The following KCNIP4 variants were observed in gnomAD, a reference collection of about 807,000 sequenced individuals.
KCNIP4 encodes potassium voltage-gated channel interacting protein 4.
In KCNIP4, 12 loss-of-function variants were observed where a neutral mutation model predicts 34.0. The observed-to-expected ratio is 0.35, with a 90% CI of 0.23 to 0.57. The LOEUF is 0.57. Among genes scored for constraint, KCNIP4 ranks in the 20% least tolerant of loss-of-function variants. KCNIP4 has a pLI of 0.83. For missense variants in KCNIP4, 238 were observed against 311.7 expected (o/e 0.76, Z 1.78); for synonymous variants, 124 against 102.2 (o/e 1.21, Z -1.29).
intron 1 of KCNIP4, among the ~76,000 whole-genome samples, chr4:21,781,182 G>A (rs1432062354): frequency 6.6e-6 from 1 of 152,150 alleles, no homozygotes; most frequent in Non-Finnish European, 1.5e-5. Flanking sequence ...TCTCATGATA[G>A]TGAGCAAGTT....
chr4:21,785,156 T>A (rs1438501790), intron 1 of KCNIP4, among the ~76,000 whole-genome samples: 1 of 152,154 alleles, frequency 6.6e-6, no homozygotes, highest in African/African-American at 2.4e-5. Flanking sequence ...CCGAAATTAT[T>A]TTTGTAGTAG....
At chr4:21,093,349 T>G (rs538892988) in intron 1 of KCNIP4, among the ~76,000 whole-genome samples, 7 of 152,318 alleles carry the variant, frequency 4.6e-5, no homozygotes, top group African/African-American at 1.7e-4. Flanking sequence ...ATTCCAGTAA[T>G]GAAAGCATTT....
chr4:21,116,549 G>A (rs553404869), intron 1 of KCNIP4, among the ~76,000 whole-genome samples: 13 of 152,190 alleles, frequency 8.5e-5, no homozygotes, highest in Admixed American at 5.2e-4. Context: ...TATGCCTTCC[G>A]TTTTTTTCTC....
chr4:20,809,005 T>A (rs1715413560), intron 3 of KCNIP4, among the ~76,000 whole-genome samples: 3 of 152,218 alleles, frequency 2.0e-5, no homozygotes, highest in Non-Finnish European at 4.4e-5. Context: ...ATTCTTTGTA[T>A]TTCCAGCACC....
intron 1 of KCNIP4, among the ~76,000 whole-genome samples, chr4:21,916,447 C>G (rs11944614): frequency 0.25 from 37,810 of 152,012 alleles, 5,584 homozygotes; most frequent in East Asian, 0.61. Context: ...TATTCAGAAG[C>G]CTGTACCTAC....
intron 1 of KCNIP4, among the ~76,000 whole-genome samples, chr4:21,506,156 T>C (rs974466739): frequency 6.6e-6 from 1 of 152,210 alleles, no homozygotes; most frequent in African/African-American, 2.4e-5. Flanking sequence ...TATGTGGACA[T>C]GTGCTTAAAG....
chr4:21,849,621 C>T (rs866734050), intron 1 of KCNIP4: 3 of 151,970 alleles, frequency 2.0e-5, no homozygotes, highest in Non-Finnish European at 1.5e-5. Flanking sequence ...CCAGATACGA[C>T]AGTACTTATA....
intron 1 of KCNIP4, among the ~76,000 whole-genome samples, chr4:21,028,415 C>A (rs1260502810): frequency 1.3e-5 from 2 of 152,196 alleles, no homozygotes; most frequent in Non-Finnish European, 2.9e-5. Context: ...CATGACCTCA[C>A]ATAATCTGGC....
At chr4:20,893,328 G>C (rs186990758) in intron 1 of KCNIP4, among the ~76,000 whole-genome samples, 17 of 152,286 alleles carry the variant, frequency 1.1e-4, no homozygotes, top group Admixed American at 1.0e-3. Flanking sequence ...GAAAGATTTG[G>C]AACTTTAGGG....
At chr4:21,438,564 T>A (rs1021224130) in intron 1 of KCNIP4, among the ~76,000 whole-genome samples, 21 of 152,196 alleles carry the variant, frequency 1.4e-4, no homozygotes, top group African/African-American at 5.1e-4. Flanking sequence ...ATGTTACCAA[T>A]ATTGTATGCT....
chr4:21,177,670 A>AAAAC (rs138247806), intron 1 of KCNIP4, among the ~76,000 whole-genome samples: 1,950 of 149,894 alleles, frequency 0.013, 43 homozygotes, highest in African/African-American at 0.046. Context: ...TCTCTACTAA[A>AAAAC]AAACAAACAA....
chr4:21,821,477 G>A (rs1289552979), intron 1 of KCNIP4, among the ~76,000 whole-genome samples: 14 of 152,084 alleles, frequency 9.2e-5, no homozygotes, highest in African/African-American at 3.4e-4. Context: ...AATGTTACCC[G>A]CAGTTGAAAT....
intron 2 of KCNIP4, among the ~76,000 whole-genome samples, chr4:20,857,973 C>T (rs927632955): frequency 1.3e-5 from 2 of 151,826 alleles, no homozygotes; most frequent in South Asian, 2.1e-4. Context: ...CTTTGAGAGG[C>T]CGACGTGGGT....
At chr4:21,930,700 T>A (rs913935603) in intron 1 of KCNIP4, among the ~76,000 whole-genome samples, 2 of 152,058 alleles carry the variant, frequency 1.3e-5, no homozygotes, top group South Asian at 4.1e-4. Context: ...CTCAACACAG[T>A]TTTTTAAGAT....
At chr4:21,178,975 C>T (rs1044927402) in intron 1 of KCNIP4, among the ~76,000 whole-genome samples, 1 of 152,004 alleles carries the variant, frequency 6.6e-6, no homozygotes, top group African/African-American at 2.4e-5. Context: ...CACCACCATG[C>T]CCAGCTAATT....
intron 1 of KCNIP4, among the ~76,000 whole-genome samples, chr4:20,939,682 A>G (rs1731439152): frequency 1.3e-5 from 2 of 152,030 alleles, no homozygotes; most frequent in Non-Finnish European, 2.9e-5. Flanking sequence ...TCAGCCCATG[A>G]TCTTTTACAC....
intron 1 of KCNIP4, among the ~76,000 whole-genome samples, chr4:21,356,362 A>G (rs781181769): frequency 1.3e-5 from 2 of 152,170 alleles, no homozygotes; most frequent in Admixed American, 6.6e-5. Flanking sequence ...AATTAGGAAA[A>G]GAGGAAGTCA....
At chr4:21,901,912 G>C (rs1402449085) in intron 1 of KCNIP4, among the ~76,000 whole-genome samples, 2 of 152,054 alleles carry the variant, frequency 1.3e-5, no homozygotes, top group East Asian at 3.9e-4. Flanking sequence ...TCTGCCCAAA[G>C]ACACACCTTC....
intron 1 of KCNIP4, among the ~76,000 whole-genome samples, chr4:20,937,160 T>C (rs1419300672): frequency 6.6e-6 from 1 of 151,784 alleles, no homozygotes; most frequent in Non-Finnish European, 1.5e-5. Flanking sequence ...GGTCTTTATT[T>C]AGTGCTGCAT....
Sources: allele counts gnomAD v4.1 joint callset (sites outside exome capture counted in the v4.1 genomes callset), GRCh38; gene constraint gnomAD v4.1.1; transcripts MANE v1.5; gene names NCBI Gene and HGNC (gene_info 2026-07-23, HGNC 2026-07-21).